The following RCOR1 variants were observed in gnomAD, a reference collection of about 807,000 sequenced individuals.
The protein encoded by RCOR1 is REST corepressor 1.
A neutral mutation model predicts 64.0 loss-of-function variants in RCOR1; 12 were observed. The ratio of observed to expected loss-of-function variants is 0.19; its 90% CI spans 0.12 to 0.30. RCOR1 has a LOEUF of 0.30. Ranked by LOEUF, RCOR1 falls within the 10% of genes least tolerant of loss-of-function variation. RCOR1 has a pLI of 1.00. For missense variants in RCOR1, 502 were observed against 621.2 expected, an observed-to-expected ratio of 0.81 and a Z score of 2.04; for synonymous variants, 279 against 227.2, an observed-to-expected ratio of 1.23 and a Z score of -2.05.
chr14:102,600,917 T>A (rs985246607), intron 2 of RCOR1, among the ~76,000 whole-genome samples: 4 of 147,374 alleles, frequency 2.7e-5, no homozygotes, highest in Non-Finnish European at 4.5e-5. Flanking sequence ...TGGCTGGGCA[T>A]GGTGGCTCAC....
At chr14:102,719,223 C>T (rs961524158) in intron 8 of RCOR1, among the ~76,000 whole-genome samples, 21 of 152,176 alleles carry the variant, frequency 1.4e-4, no homozygotes, top group African/African-American at 4.8e-4. Flanking sequence ...GTTGGGACTA[C>T]ACAGCCTAGA....
At chr14:102,593,242 C>T (rs1364871558) in intron 1 of RCOR1, 24 bp from the exon 2 acceptor site, 4 of 1,498,984 alleles carry the variant, frequency 2.7e-6, no homozygotes, top group Admixed American at 2.4e-5. Flanking sequence ...CCGCGCTGAC[C>T]GCCGTATTCT....
At chr14:102,726,443 T>C (rs1164189841) in intron 11 of RCOR1, 25 bp from the exon 12 acceptor site, 1 of 1,571,658 alleles carries the variant, frequency 6.4e-7, no homozygotes, top group Non-Finnish European at 8.6e-7. Flanking sequence ...GATCCTTTTT[T>C]TTTTTTTTTT....
chr14:102,694,800 T>G lies in RCOR1; in HGVS notation c.446-6478T>G, dbSNP rs185139461. On this transcript the variant is annotated intron_variant, in intron 3 of 11. Coordinates refer to ENST00000262241, the MANE Select transcript of RCOR1 (RefSeq NM_015156.4). ...TTGATTCTCAGCGAGGTGTGATAAC[T>G]CATTTCTTATTTTAATAATAAAAGA... Among the ~76,000 whole-genome samples the G allele has an allele frequency of 5.3e-5, 8 of 152,348 alleles. No homozygotes were observed. The East Asian group carries it at 1.5e-3, about 29-fold the overall frequency.
rs577572784 is a variant in RCOR1, at chr14:102,684,723, AT to A, written c.445+2753del. ...TAAACATTTTGGGGTATTTCTTCCA[AT>A]TTTTTTTGTATGTATTTATATAAGT... On this transcript the variant is annotated intron_variant, in intron 3 of 11. Coordinates refer to ENST00000262241, the MANE Select transcript of RCOR1 (RefSeq NM_015156.4). Among the ~76,000 whole-genome samples the A allele has an allele frequency of 6.5e-3, 983 of 151,948 alleles. 14 individuals are homozygous for A. The highest frequency in any genetic ancestry group is 0.022 in the African/African-American group (930 of 41,482).
chr14:102,704,740 A>AT lies in RCOR1; in HGVS notation c.499-2606dup, dbSNP rs1190354677. ...CCACCGCGCCCAGCCCCCTTCTAGG[A>AT]TTTTTAGTGGCAGTTCAAATAGTCC... On this transcript the variant is annotated intron_variant, in intron 4 of 11. Coordinates refer to ENST00000262241, the MANE Select transcript of RCOR1 (RefSeq NM_015156.4). Among the ~76,000 whole-genome samples the AT allele has an allele frequency of 2.6e-5, 4 of 152,284 alleles. No individual in the cohort carries two copies. The South Asian group carries it at 8.3e-4, about 32-fold the overall frequency.
intron 2 of RCOR1, among the ~76,000 whole-genome samples, chr14:102,594,412 T>C (rs970769545): frequency 2.6e-5 from 4 of 152,172 alleles, no homozygotes; most frequent in Non-Finnish European, 4.4e-5. Flanking sequence ...AAAATTGCAA[T>C]GATCTAGTCC....
In RCOR1 at chr14:102,726,882, G is replaced by C. The variant is rs982805282; in HGVS notation, c.*376G>C. The stretch of plus-strand genomic sequence containing the variant: ...CCTTGGAAGGCCCGACTCTGTTCCT[G>C]CATGGCCTGCAGTTTCTACTTTGTG... On this transcript the variant is annotated 3_prime_UTR_variant, in exon 12 of 12. Coordinates refer to ENST00000262241, the MANE Select transcript of RCOR1 (RefSeq NM_015156.4). The C allele has an allele frequency of 2.5e-5, 6 of 236,200 alleles. No homozygotes were observed. The highest frequency in any genetic ancestry group is 4.9e-5 in the Non-Finnish European group (6 of 123,584). 14.6% of individuals were successfully genotyped at this position (236,200 alleles called of 1,614,324 possible). A position where few individuals can be genotyped will look rare whatever the true frequency, so the allele number is the denominator to read the frequency against.
intron 7 of RCOR1, among the ~76,000 whole-genome samples, chr14:102,713,381 C>T (rs995858859): frequency 1.3e-5 from 2 of 151,010 alleles, no homozygotes; most frequent in African/African-American, 4.9e-5. Context: ...GCCTCAGCCT[C>T]CCGCCATTCT....
rs1016490020 is a variant in RCOR1 at position 102,593,441 on chromosome 14, G to A, written c.361+116G>A. 6.3e-6 allele frequency: 7 copies of A among 1,113,090 alleles called. No individual in the cohort carries two copies. The African/African-American group carries it at 6.7e-5, about 11-fold the overall frequency. 69.0% of individuals were successfully genotyped at this position (1,113,090 alleles called of 1,614,324 possible). The stretch of plus-strand genomic sequence containing the variant: ...TTTCTTTTTGTGCGTTCGCCCTGCC[G>A]TCCGTGGGGAGAACAGCAGGGCGAG... On this transcript the variant is annotated intron_variant, in intron 2 of 11. Transcript: ENST00000262241.
Position 102,593,193 on chromosome 14 carries a change from T to C in RCOR1, c.301+6T>C. 1 of 1,489,320 alleles carries C rather than the reference T, an allele frequency of 6.7e-7. No individual in the cohort carries two copies. Among genetic ancestry groups the C allele is most frequent in the East Asian group, 2.8e-5 (1 of 35,156 alleles). The allele number at this position is 1,489,320 out of a possible 1,614,324, so 92.3% of individuals were successfully genotyped here. Reference sequence around the variant, plus strand: ...GTCCAGCGACGAGGAGCACGGTAGGTGGCAGCCGCCCCCGCGGCCCCGGGC... The same window carrying C: ...GTCCAGCGACGAGGAGCACGGTAGGCGGCAGCCGCCCCCGCGGCCCCGGGC... On this transcript the variant is annotated splice_donor_region_variant and intron_variant, in intron 1 of 11. Coordinates refer to ENST00000262241, the MANE Select transcript of RCOR1 (RefSeq NM_015156.4).
intron 2 of RCOR1, among the ~76,000 whole-genome samples, chr14:102,661,321 C>T (rs549493177): frequency 6.6e-6 from 1 of 152,288 alleles, no homozygotes. Flanking sequence ...GCACTCCAGC[C>T]TGGGCAACAG....
At chr14:102,697,441 T>C (rs948442386) in intron 3 of RCOR1, among the ~76,000 whole-genome samples, 15 of 152,198 alleles carry the variant, frequency 9.9e-5, no homozygotes, top group African/African-American at 3.4e-4. Context: ...TATGTTGACA[T>C]TGTACATAAT....
intron 7 of RCOR1, among the ~76,000 whole-genome samples, chr14:102,711,949 A>T (rs1161365652): frequency 6.6e-6 from 1 of 152,168 alleles, no homozygotes; most frequent in Non-Finnish European, 1.5e-5. Context: ...CTTTTTAAAA[A>T]TAATATAATG....
intron 2 of RCOR1, among the ~76,000 whole-genome samples, chr14:102,673,917 C>T (rs8013957): frequency 0.44 from 66,858 of 152,076 alleles, 16,630 homozygotes; most frequent in African/African-American, 0.69. Context: ...GCCCAGCCCC[C>T]GTTGATGTAT....
At chr14:102,701,177 A>T in intron 3 of RCOR1, 101 bp from the exon 4 acceptor site, 1 of 984,520 alleles carries the variant, frequency 1.0e-6, no homozygotes. Context: ...CAGCCAAACC[A>T]TATCAGCAGG....
chr14:102,724,365 C>A (rs1343142131), intron 11 of RCOR1, among the ~76,000 whole-genome samples: 7 of 151,994 alleles, frequency 4.6e-5, no homozygotes, highest in African/African-American at 1.4e-4. Flanking sequence ...CCCTCTGTCA[C>A]CCAGGCTGGA....
rs7157802 is a variant in RCOR1 at position 102,695,851 on chromosome 14, T to C, written c.446-5427T>C. Among the ~76,000 whole-genome samples the C allele has an allele frequency of 6.8e-3, 1,029 of 151,992 alleles. 11 individuals are homozygous for C. Among genetic ancestry groups the C allele is most frequent in the African/African-American group, 0.024 (996 of 41,454 alleles). The stretch of plus-strand genomic sequence containing the variant: ...GGTGTGAGCCACTGCGCCCAGTGCA[T>C]AGAGGTCTTAAACCTTATACCTTAT... On this transcript the variant is annotated intron_variant, in intron 3 of 11. Transcript: ENST00000262241.
At chr14:102,683,029 C>T (rs1895337413) in intron 3 of RCOR1, among the ~76,000 whole-genome samples, 1 of 152,082 alleles carries the variant, frequency 6.6e-6, no homozygotes, top group Admixed American at 6.5e-5. Context: ...TATTGTATTG[C>T]TTATTGGAGT....
Sources: gnomAD v4.1 joint callset for allele counts (sites outside exome capture counted in the v4.1 genomes callset) on GRCh38, gnomAD v4.1.1 for gene constraint, MANE v1.5 for transcripts, NCBI Gene and HGNC (gene_info 2026-07-23, HGNC 2026-07-21) for gene names.